The following SLCO1C1 variants were observed in gnomAD, a reference collection of about 807,000 sequenced individuals.
The protein encoded by SLCO1C1 is solute carrier organic anion transporter family member 1C1.
SLCO1C1 carries 70 observed loss-of-function variants against 76.4 expected under a neutral mutation model. That is an observed-to-expected ratio of 0.92 (90% CI 0.76 to 1.12). The LOEUF (loss-of-function observed/expected upper bound fraction) is 1.12, where lower values mean the gene tolerates loss of function less well. SLCO1C1 is among the 50% of genes most tolerant of loss of function. The probability of loss-of-function intolerance (pLI) is 0.00; values close to 1 mark genes in which losing one functional copy is unlikely to be tolerated. For synonymous variants in SLCO1C1, 306 were observed against 286.1 expected (o/e 1.07, Z -0.70); for missense variants, 912 against 823.8 (o/e 1.11, Z -1.31).
chr12:20,703,593 G>T (rs567807462), intron 3 of SLCO1C1, among the ~76,000 whole-genome samples: 65 of 151,704 alleles, frequency 4.3e-4, no homozygotes, highest in Non-Finnish European at 8.6e-4. Context: ...GCTCAGATTT[G>T]TTTTTTCCTA....
intron 12 of SLCO1C1, among the ~76,000 whole-genome samples, chr12:20,742,700 ATTTTT>A (rs5796883): frequency 7.1e-5 from 10 of 141,178 alleles, no homozygotes; most frequent in East Asian, 2.1e-4. Flanking sequence ...TGCCCAGCTA[ATTTTT>A]TTTTTTTTTT....
intron 4 of SLCO1C1, among the ~76,000 whole-genome samples, chr12:20,707,596 T>C (rs1946845003): frequency 6.6e-6 from 1 of 152,194 alleles, no homozygotes; most frequent in Non-Finnish European, 1.5e-5. Flanking sequence ...TAGCTGATAA[T>C]GCCATTGCAA....
chr12:20,705,798 C>T (rs1172953615), intron 3 of SLCO1C1, 151 bp from the exon 4 acceptor site: 1 of 643,946 alleles, frequency 1.6e-6, no homozygotes, highest in Non-Finnish European at 2.6e-6. Context: ...TTTCAAGGGT[C>T]ATCTCAGATT....
chr12:20,740,819 G>T (rs2176141), intron 12 of SLCO1C1, among the ~76,000 whole-genome samples: 3 of 65,956 alleles, frequency 4.5e-5, no homozygotes, highest in Non-Finnish European at 7.7e-5. Flanking sequence ...ATATATATAT[G>T]GCTTTATCTG....
chr12:20,707,567 A>G (rs73240462), intron 4 of SLCO1C1, among the ~76,000 whole-genome samples: 4,127 of 152,278 alleles, frequency 0.027, 194 homozygotes, highest in African/African-American at 0.096. Flanking sequence ...ATCTTAAAAC[A>G]GGTATTAAAA....
intron 4 of SLCO1C1, among the ~76,000 whole-genome samples, chr12:20,710,946 A>ACCT (rs1475772516): frequency 2.0e-5 from 3 of 152,066 alleles, no homozygotes; most frequent in Admixed American, 1.3e-4. Flanking sequence ...TCTGTCATTA[A>ACCT]TTGACTGGCC....
At chr12:20,740,956 G>A (rs938371591) in intron 12 of SLCO1C1, among the ~76,000 whole-genome samples, 3 of 151,544 alleles carry the variant, frequency 2.0e-5, no homozygotes, top group African/African-American at 7.3e-5. Context: ...AAATACCCGA[G>A]ATGGGGTAAT....
chr12:20,725,098 TACA>T (rs905469783), intron 9 of SLCO1C1, among the ~76,000 whole-genome samples: 1 of 136,504 alleles, frequency 7.3e-6, no homozygotes, highest in Non-Finnish European at 1.5e-5. Flanking sequence ...AAATAATATA[TACA>T]ACATGATATA....
intron 10 of SLCO1C1, among the ~76,000 whole-genome samples, chr12:20,736,289 A>T (rs1333030950): frequency 6.7e-6 from 1 of 149,830 alleles, no homozygotes; most frequent in Non-Finnish European, 1.5e-5. Flanking sequence ...AGGAGAAAAG[A>T]AAGAATGCAA....
chr12:20,720,316 C>T (rs552891362), intron 7 of SLCO1C1, among the ~76,000 whole-genome samples: 126 of 152,242 alleles, frequency 8.3e-4, no homozygotes, highest in Non-Finnish European at 4.7e-4. Context: ...GCTAACATAC[C>T]GTCCATTTTA....
At chr12:20,715,453 G>A (rs1947320120) in intron 6 of SLCO1C1, among the ~76,000 whole-genome samples, 168 bp downstream of exon 6, 1 of 152,156 alleles carries the variant, frequency 6.6e-6, no homozygotes, top group South Asian at 2.1e-4. Flanking sequence ...GGATGATGAA[G>A]ACACCATAGT....
At position 20,740,334 on chromosome 12, in the gene SLCO1C1, C is replaced by G. The variant is rs1312392267; in HGVS notation, c.1699C>G (p.Leu567Val). ...ISVITSYTLS[L>V]GGIPGYILLL... Reference sequence around the variant, plus strand: ...AGTCATCACATCCTATACTTTATCCCTAGGTGGCATACCTGGATACATATT... The same window carrying G: ...AGTCATCACATCCTATACTTTATCCGTAGGTGGCATACCTGGATACATATT... The change falls in exon 12 of 15, where the codon CTA becomes GTA. Residue 567 changes from leucine to valine, a missense_variant. Transcript: ENST00000266509. 1 of 1,613,460 alleles carries G rather than the reference C, an allele frequency of 6.2e-7. No individual in the cohort carries two copies. The highest frequency in any genetic ancestry group is 1.3e-5 in the African/African-American group (1 of 74,872).
chr12:20,750,995 C>A (rs1221372418), intron 14 of SLCO1C1: 4 of 972,868 alleles, frequency 4.1e-6, no homozygotes, highest in Admixed American at 2.7e-5. Flanking sequence ...ATTACCTTGA[C>A]CCCCATTTTA....
intron 4 of SLCO1C1, among the ~76,000 whole-genome samples, chr12:20,710,635 T>C (rs11045400): frequency 0.029 from 4,478 of 152,170 alleles, 240 homozygotes; most frequent in African/African-American, 0.1. Flanking sequence ...AGGGTGGAAT[T>C]AGAAGTAACT....
intron 12 of SLCO1C1, among the ~76,000 whole-genome samples, chr12:20,740,633 A>G (rs1948757500): frequency 6.6e-6 from 1 of 151,680 alleles, no homozygotes; most frequent in South Asian, 2.1e-4. Context: ...GTTGCTTAAT[A>G]AATACAGTAT....
chr12:20,697,809 T>C (rs1465145622), intron 1 of SLCO1C1, among the ~76,000 whole-genome samples: 1 of 152,092 alleles, frequency 6.6e-6, no homozygotes, highest in East Asian at 1.9e-4. Flanking sequence ...TTATAATCTA[T>C]GGGCTTGATC....
rs543064649 is a variant in SLCO1C1 at position 20,731,835 on chromosome 12, T to A, written c.1187-1074T>A. Among the ~76,000 whole-genome samples the A allele has an allele frequency of 8.6e-5, 13 of 151,896 alleles. 1 individual carries two copies. Among genetic ancestry groups the A allele is most frequent in the African/African-American group, 3.1e-4 (13 of 41,286 alleles). On this transcript the variant is annotated intron_variant, in intron 9 of 14. Transcript: ENST00000266509. ...CCCACCTCCAATATTTTCATCTTTG[T>A]AAATCGAATGGATAGAAATTAATTG...
At chr12:20,743,177 A>C (rs1443472692) in intron 12 of SLCO1C1, 128 bp from the exon 13 acceptor site, 2 of 801,478 alleles carry the variant, frequency 2.5e-6, no homozygotes, top group Non-Finnish European at 4.0e-6. Flanking sequence ...TAGCACACCA[A>C]TGGGTTCAAC....
chr12:20,752,462 A>T lies in SLCO1C1; in HGVS notation c.2073A>T (p.Glu691Asp), dbSNP rs1211299119. 2 of 1,613,276 alleles carry T rather than the reference A, an allele frequency of 1.2e-6. No individual in the cohort carries two copies. Among genetic ancestry groups the T allele is most frequent in the African/African-American group, 2.7e-5 (2 of 74,932 alleles). ...TGGTGTCTACAAGATTCCAAAAGGAAAATTACACTACAAGTGATCATCTGC... is the reference window on the plus strand; with the variant it reads ...TGGTGTCTACAAGATTCCAAAAGGATAATTACACTACAAGTGATCATCTGC... ...RTMVSTRFQK[E>D]NYTTSDHLLQ... Residue 691 changes from glutamate to aspartate, a missense_variant, in exon 15 of 15, where the codon GAA (glutamate) becomes GAT (aspartate). Coordinates refer to ENST00000266509, the MANE Select transcript of SLCO1C1 (RefSeq NM_017435.5).
Sources: gnomAD v4.1 joint callset for allele counts (sites outside exome capture counted in the v4.1 genomes callset) on GRCh38, gnomAD v4.1.1 for gene constraint, MANE v1.5 for transcripts, NCBI Gene and HGNC (gene_info 2026-07-23, HGNC 2026-07-21) for gene names.